The following NELL1 variants were observed in gnomAD, a reference collection of about 807,000 sequenced individuals.
NELL1 encodes the protein neural EGFL like 1, also known as protein kinase C-binding protein NELL1.
NELL1 carries 76 observed loss-of-function variants against 107.4 expected under a neutral mutation model. The ratio of observed to expected loss-of-function variants is 0.71; its 90% CI spans 0.59 to 0.86. The LOEUF (loss-of-function observed/expected upper bound fraction) is 0.86, where lower values mean the gene tolerates loss of function less well. NELL1 is among the 40% of genes least tolerant of loss of function. The pLI, the probability that NELL1 is intolerant of heterozygous loss-of-function variation, is 0.00. For missense variants in NELL1, 1,024 were observed against 1,005.5 expected (o/e 1.02, Z -0.25); for synonymous variants, 353 against 341.2 (o/e 1.03, Z -0.38).
At chr11:21,426,907 T>C (rs1019333678) in intron 15 of NELL1, among the ~76,000 whole-genome samples, 2 of 152,078 alleles carry the variant, frequency 1.3e-5, no homozygotes, top group Admixed American at 6.6e-5. Flanking sequence ...GTGAATAATA[T>C]GGAGCTTATG....
chr11:20,856,183 C>T (rs1170727901), intron 4 of NELL1, among the ~76,000 whole-genome samples: 1 of 152,152 alleles, frequency 6.6e-6, no homozygotes, highest in Non-Finnish European at 1.5e-5. Context: ...CCTGCACAAA[C>T]CCCAAATCTA....
chr11:20,702,598 C>T (rs142564568), intron 2 of NELL1, among the ~76,000 whole-genome samples: 199 of 151,842 alleles, frequency 1.3e-3, no homozygotes, highest in African/African-American at 4.4e-3. Context: ...AGTTTTCAAA[C>T]GGAATGCTTC....
chr11:21,337,776 CTTTCT>C (rs1350321165), intron 14 of NELL1, among the ~76,000 whole-genome samples: 68 of 140,964 alleles, frequency 4.8e-4, no homozygotes, highest in African/African-American at 1.8e-3. Context: ...TTCTTTCTTT[CTTTCT>C]TTCTTTCTTT....
intron 12 of NELL1, among the ~76,000 whole-genome samples, chr11:21,110,489 C>T: frequency 6.6e-6 from 1 of 152,046 alleles, no homozygotes; most frequent in East Asian, 1.9e-4. Context: ...CTTGTTATAG[C>T]CAAGTAACTC....
intron 3 of NELL1, among the ~76,000 whole-genome samples, chr11:20,812,734 C>T (rs1016707635): frequency 6.6e-5 from 10 of 151,868 alleles, no homozygotes; most frequent in Non-Finnish European, 1.2e-4. Flanking sequence ...AGGGGCCGGG[C>T]GCGGTGGCTC....
At chr11:20,881,709 G>GT (rs199576777) in intron 4 of NELL1, among the ~76,000 whole-genome samples, 19 of 151,458 alleles carry the variant, frequency 1.3e-4, no homozygotes, top group African/African-American at 4.4e-4. Flanking sequence ...GCAGAATTCT[G>GT]TTTTGTTTTT....
chr11:21,548,913 G>A (rs921499815), intron 16 of NELL1, among the ~76,000 whole-genome samples: 1 of 150,118 alleles, frequency 6.7e-6, no homozygotes, highest in Non-Finnish European at 1.5e-5. Context: ...GCATGCTGCT[G>A]CATACAAGAT....
At chr11:21,556,067 T>C (rs964183549) in intron 16 of NELL1, among the ~76,000 whole-genome samples, 1 of 151,974 alleles carries the variant, frequency 6.6e-6, no homozygotes, top group Non-Finnish European at 1.5e-5. Context: ...GTGTAGTGTG[T>C]ATATTTTCCC....
intron 15 of NELL1, among the ~76,000 whole-genome samples, chr11:21,429,980 A>C (rs1305972222): frequency 6.6e-6 from 1 of 152,178 alleles, no homozygotes; most frequent in African/African-American, 2.4e-5. Context: ...GTGAAGATTA[A>C]ATAACAAAGA....
chr11:21,107,222 T>G (rs1013614736), intron 12 of NELL1, among the ~76,000 whole-genome samples: 3 of 152,254 alleles, frequency 2.0e-5, no homozygotes, highest in Middle Eastern at 6.8e-3. Flanking sequence ...TGGACAAATA[T>G]ATAATAACCT....
At chr11:20,811,274 C>A (rs751526193) in intron 3 of NELL1, among the ~76,000 whole-genome samples, 5 of 152,040 alleles carry the variant, frequency 3.3e-5, no homozygotes, top group Middle Eastern at 3.2e-3. Context: ...TTACTCAACA[C>A]CTTTGTTTCA....
intron 14 of NELL1, among the ~76,000 whole-genome samples, chr11:21,299,588 T>G (rs1045753445): frequency 6.7e-6 from 1 of 149,340 alleles, no homozygotes; most frequent in African/African-American, 2.5e-5. Context: ...CCATATAAAT[T>G]GGTAGATTGG....
At chr11:21,059,725 G>C (rs1314687457) in intron 12 of NELL1, among the ~76,000 whole-genome samples, 1 of 151,988 alleles carries the variant, frequency 6.6e-6, no homozygotes, top group Non-Finnish European at 1.5e-5. Flanking sequence ...CAGAGCATGG[G>C]GATGAGTAAA....
chr11:20,679,523 A>G (rs540735756), intron 2 of NELL1, among the ~76,000 whole-genome samples: 3 of 152,328 alleles, frequency 2.0e-5, no homozygotes, highest in East Asian at 1.9e-4. Flanking sequence ...AAGACTATGG[A>G]CATACTAATT....
At position 21,248,349 on chromosome 11, in the gene NELL1, A is replaced by AAAAAG. The variant is rs368213568; in HGVS notation, c.1549+18914_1549+18918dup. ...TGACAGTGAGAGCCTGTCAAAAAAA[A>AAAAAG]AAAAGAAAAGAAAAGAAAAGAAACA... On this transcript the variant is annotated intron_variant, in intron 14 of 19. Transcript: ENST00000357134. Among the ~76,000 whole-genome samples the AAAAAG allele has an allele frequency of 3.9e-4, 59 of 151,620 alleles. 1 individual carries two copies. In the South Asian group the frequency reaches 0.012, roughly 30 times the overall value.
chr11:21,034,280 G>A (rs1458605138), intron 12 of NELL1, among the ~76,000 whole-genome samples: 4 of 152,122 alleles, frequency 2.6e-5, no homozygotes, highest in African/African-American at 9.7e-5. Context: ...TTCCTCCATT[G>A]CTTGTTTTTG....
intron 15 of NELL1, among the ~76,000 whole-genome samples, chr11:21,377,269 T>G (rs1433972262): frequency 6.6e-6 from 1 of 152,276 alleles, no homozygotes; most frequent in East Asian, 1.9e-4. Context: ...TATTGGATTT[T>G]ATCAAAAGCA....
intron 2 of NELL1, among the ~76,000 whole-genome samples, chr11:20,757,928 A>G (rs1856333465): frequency 6.6e-6 from 1 of 152,218 alleles, no homozygotes; most frequent in Non-Finnish European, 1.5e-5. Context: ...GAGGCTGAGA[A>G]GTCCAAGATT....
intron 12 of NELL1, among the ~76,000 whole-genome samples, chr11:21,080,445 T>C (rs1854239274): frequency 6.6e-6 from 1 of 152,142 alleles, no homozygotes; most frequent in Non-Finnish European, 1.5e-5. Context: ...GCATATTATA[T>C]ATTGTTAAAT....
Sources: allele counts gnomAD v4.1 joint callset (sites outside exome capture counted in the v4.1 genomes callset), GRCh38; gene constraint gnomAD v4.1.1; transcripts MANE v1.5; gene names NCBI Gene and HGNC (gene_info 2026-07-23, HGNC 2026-07-21).